HECA: variants seen among roughly 807,000 people sequenced by gnomAD.
HECA encodes the protein headcase protein homolog.
In HECA, 13 loss-of-function variants were observed where a neutral mutation model predicts 37.6. The ratio of observed to expected loss-of-function variants is 0.35; its 90% CI spans 0.23 to 0.55. The LOEUF is 0.55. Ranked by LOEUF, HECA falls within the 20% of genes least tolerant of loss-of-function variation. The pLI is 0.90. For synonymous variants in HECA, 307 were observed against 291.5 expected (o/e 1.05, Z -0.54); for missense variants, 527 against 701.9 (o/e 0.75, Z 2.82).
At position 139,179,238 on chromosome 6, in the gene HECA, A is replaced by G. The variant is rs1194866881; in HGVS notation, c.*2133A>G. ...AAGTTTCTCTTGTCCTCGTAATACC[A>G]TTTGGATTTTATTTCTGAATTTAAA... On this transcript the variant is annotated 3_prime_UTR_variant, in exon 4 of 4. Transcript: ENST00000367658. 1 of 152,160 alleles carries G rather than the reference A, an allele frequency of 6.6e-6. No homozygotes were observed. Among genetic ancestry groups the G allele is most frequent in the Non-Finnish European group, 1.5e-5 (1 of 68,036 alleles). The allele number at this position is 152,160 out of a possible 1,614,324, so 9.4% of individuals were successfully genotyped here.
intron 1 of HECA, among the ~76,000 whole-genome samples, chr6:139,136,019 G>A (rs1310761156): frequency 2.0e-5 from 3 of 151,998 alleles, no homozygotes. Context: ...AGCCGCCCAA[G>A]TTGAGAAGAA....
intron 3 of HECA, among the ~76,000 whole-genome samples, chr6:139,175,251 A>G (rs1203470095): frequency 1.3e-5 from 2 of 152,156 alleles, no homozygotes; most frequent in Non-Finnish European, 2.9e-5. Flanking sequence ...GGGGAAGAAA[A>G]CAGCTTGTTA....
chr6:139,158,250 C>T (rs548350909), intron 1 of HECA, among the ~76,000 whole-genome samples: 1 of 152,018 alleles, frequency 6.6e-6, no homozygotes, highest in East Asian at 1.9e-4. Flanking sequence ...TGCCTGTAAT[C>T]CCAGCACTTT....
chr6:139,140,958 T>G (rs1008005431), intron 1 of HECA, among the ~76,000 whole-genome samples: 2 of 152,104 alleles, frequency 1.3e-5, no homozygotes, highest in Non-Finnish European at 2.9e-5. Flanking sequence ...GCCCGGCTAA[T>G]TTTTTGTATT....
At chr6:139,158,938 T>G (rs563606865) in intron 1 of HECA, among the ~76,000 whole-genome samples, 1 of 152,068 alleles carries the variant, frequency 6.6e-6, no homozygotes, top group South Asian at 2.1e-4. Context: ...CCAGGCATGG[T>G]GGCGCATGCC....
rs1774424376 is a variant in HECA, at chr6:139,135,641, C to T, written c.245C>T (p.Ala82Val). Residue 82 changes from alanine to valine, a missense_variant, in exon 1 of 4, where the codon GCT becomes GTT. By Grantham distance (64) the Ala-to-Val change is moderately conservative. This residue lies in a region of HECA where 172 missense variants were observed against 197.6 expected (regional missense o/e 0.87). Transcript: ENST00000367658. Reference sequence around the variant, plus strand: ...GCGAACGCTGCGGCCGCCGCGGGGGCTGCGGCCGCGGGCGATGCCAAAAAC... The same window carrying T: ...GCGAACGCTGCGGCCGCCGCGGGGGTTGCGGCCGCGGGCGATGCCAAAAAC... The part of the protein sequence containing the change: ...GAANAAAAAG[A>V]AAAGDAKNEA... The T allele has an allele frequency of 1.0e-6, 1 of 976,580 alleles. No individual in the cohort carries two copies. The highest frequency in any genetic ancestry group is 1.2e-6 in the Non-Finnish European group (1 of 823,082). 60.5% of individuals were successfully genotyped at this position (976,580 alleles called of 1,614,324 possible).
At chr6:139,142,698 A>G (rs1774530135) in intron 1 of HECA, among the ~76,000 whole-genome samples, 1 of 152,218 alleles carries the variant, frequency 6.6e-6, no homozygotes, top group Non-Finnish European at 1.5e-5. Flanking sequence ...CTGTAATCCC[A>G]GCACTTTTGG....
chr6:139,141,919 A>AT (rs11345845), intron 1 of HECA, among the ~76,000 whole-genome samples: 24 of 48,762 alleles, frequency 4.9e-4, no homozygotes, highest in Admixed American at 1.2e-3. Flanking sequence ...TGCCCAGCTA[A>AT]TTTTTTTTTT....
At chr6:139,149,287 A>G (rs1489819119) in intron 1 of HECA, among the ~76,000 whole-genome samples, 3 of 152,170 alleles carry the variant, frequency 2.0e-5, no homozygotes, top group Non-Finnish European at 4.4e-5. Flanking sequence ...GACACAGGTT[A>G]TAGGTGATCT....
chr6:139,170,612 T>C (rs1345125605), intron 2 of HECA: 1 of 152,322 alleles, frequency 6.6e-6, no homozygotes, highest in Non-Finnish European at 1.5e-5. Context: ...CAGGTTGCGA[T>C]GAGGAGCTAG....
At position 139,167,076 on chromosome 6, in the gene HECA, A is replaced by C; in HGVS notation, c.1064A>C (p.His355Pro). ...CTGGACCTCTCCGAACTCCTCACTC[A>C]CATCCCCAGGCATAAGCTGAACACT... ...RRLDLSELLT[H>P]IPRHKLNTFH... Residue 355 changes from histidine (H) to proline (P), a missense_variant, in exon 2 of 4, where the codon CAC (histidine) becomes CCC (proline). His to Pro is a moderately conservative substitution (Grantham distance 77). Coordinates refer to ENST00000367658, the MANE Select transcript of HECA (RefSeq NM_016217.3). 4 of 1,614,152 alleles carry C rather than the reference A, an allele frequency of 2.5e-6. No individual in the cohort carries two copies. Among genetic ancestry groups the C allele is most frequent in the Non-Finnish European group, 3.4e-6 (4 of 1,180,026 alleles).
chr6:139,156,107 CTCT>C (rs1375151427), intron 1 of HECA, among the ~76,000 whole-genome samples: 2 of 151,508 alleles, frequency 1.3e-5, no homozygotes, highest in Non-Finnish European at 2.9e-5. Flanking sequence ...ATTATGTGAA[CTCT>C]TCTTGTTGCT....
At chr6:139,139,481 T>C (rs1774488476) in intron 1 of HECA, among the ~76,000 whole-genome samples, 1 of 152,214 alleles carries the variant, frequency 6.6e-6, no homozygotes. Flanking sequence ...ATCCTGGAAA[T>C]AGCCTGAGCA....
chr6:139,153,535 G>A (rs1364465331), intron 1 of HECA, among the ~76,000 whole-genome samples: 1 of 151,140 alleles, frequency 6.6e-6, no homozygotes, highest in South Asian at 2.1e-4. Flanking sequence ...TGATTTTTCT[G>A]CCTCAGCCTC....
At chr6:139,175,378 T>A (rs1398122345) in intron 3 of HECA, among the ~76,000 whole-genome samples, 1 of 152,216 alleles carries the variant, frequency 6.6e-6, no homozygotes, top group Non-Finnish European at 1.5e-5. Context: ...CTGCATAGTT[T>A]TATGTCTTTA....
At chr6:139,171,712 G>A (rs1432124131) in intron 2 of HECA, among the ~76,000 whole-genome samples, 1 of 151,882 alleles carries the variant, frequency 6.6e-6, no homozygotes, top group Admixed American at 6.6e-5. Flanking sequence ...CTGCAGCCTT[G>A]GACTGCTGAG....
intron 1 of HECA, among the ~76,000 whole-genome samples, chr6:139,156,624 G>A (rs1266082635): frequency 1.3e-5 from 2 of 152,224 alleles, no homozygotes; most frequent in East Asian, 3.8e-4. Flanking sequence ...GAAATGACAT[G>A]CTGTTAATTT....
intron 2 of HECA, among the ~76,000 whole-genome samples, chr6:139,171,676 G>A (rs1360436957): frequency 6.6e-6 from 1 of 151,904 alleles, no homozygotes; most frequent in Non-Finnish European, 1.5e-5. Context: ...CTGGCTGGCT[G>A]GAAAGCAGCG....
intron 1 of HECA, among the ~76,000 whole-genome samples, chr6:139,138,323 A>AT: frequency 6.6e-6 from 1 of 152,244 alleles, no homozygotes; most frequent in African/African-American, 2.4e-5. Context: ...GTGTATTTCA[A>AT]TTTTTTACTT....
Sources: allele counts gnomAD v4.1 joint callset (sites outside exome capture counted in the v4.1 genomes callset), GRCh38; gene constraint gnomAD v4.1.1; regional missense constraint gnomAD v4.1.1; transcripts MANE v1.5; gene names NCBI Gene and HGNC (gene_info 2026-07-23, HGNC 2026-07-21).